The following PDZD4 variants were observed in gnomAD, a reference collection of about 807,000 sequenced individuals.
The protein encoded by PDZD4 is PDZ domain-containing protein 4.
In PDZD4, 9 loss-of-function variants were observed where a neutral mutation model predicts 38.5. The ratio of observed to expected loss-of-function variants is 0.23; its 90% CI spans 0.14 to 0.41. The LOEUF is 0.41. PDZD4 is among the 10% of genes least tolerant of loss of function. The pLI, the probability that PDZD4 is intolerant of heterozygous loss-of-function variation, is 1.00. For missense variants in PDZD4, 612 were observed against 722.0 expected (o/e 0.85, Z 1.75); for synonymous variants, 349 against 315.7 (o/e 1.11, Z -1.12).
chrX:153,813,542 T>C (rs1160154739), intron 1 of PDZD4, among the ~76,000 whole-genome samples: 16 of 112,689 alleles, frequency 1.4e-4, no homozygotes, highest in African/African-American at 5.2e-4. Context: ...GCATGTGCAG[T>C]TAATGGAGGC....
chrX:153,808,512 C>T lies in PDZD4; in HGVS notation c.144G>A (p.Gln48=). Residue 48 remains glutamine (Q), a synonymous_variant, in exon 2 of 8, where the codon CAG becomes CAA. Coordinates refer to ENST00000393758, the MANE Select transcript of PDZD4 (RefSeq NM_001303512.2). The part of the protein sequence containing the change: ...LRSSKEPLVI[Q]VLRRSPRLRG... The stretch of plus-strand genomic sequence containing the variant: ...GGAGGCGGGGGCTGCGTCTCAGCAC[C>T]TGGATCACCAGGGGCTCCTTGGAGG... 1 of 1,209,915 alleles carries T rather than the reference C, an allele frequency of 8.3e-7. No individual in the cohort carries two copies. Among genetic ancestry groups the T allele is most frequent in the Non-Finnish European group, 1.1e-6 (1 of 894,685 alleles).
intron 6 of PDZD4, 56 bp downstream of exon 6, chrX:153,805,449 T>C (rs1355632206): frequency 1.1e-5 from 11 of 1,001,324 alleles, no homozygotes; most frequent in Non-Finnish European, 1.4e-5. Flanking sequence ...GCCAGCAGCT[T>C]CCAAGACAGA....
chrX:153,823,247 T>C lies in PDZD4; in HGVS notation c.60+6992A>G, dbSNP rs1196896203. On this transcript the variant is annotated intron_variant, in intron 1 of 7. Transcript: ENST00000393758. ...TATATATATATATTTTTTTTTGAGA[T>C]GGAGTTTCGAGCCCAAGCTGGAGTG... Among the ~76,000 whole-genome samples, 3 of 104,994 alleles carry C rather than the reference T, an allele frequency of 2.9e-5. No individual in the cohort carries two copies. The Admixed American group carries it at 3.1e-4, about 11-fold the overall frequency. The allele number at this position is 104,994 out of a possible 115,157, so 91.2% of individuals were successfully genotyped here.
intron 1 of PDZD4, among the ~76,000 whole-genome samples, chrX:153,823,153 G>A (rs2064444052): frequency 9.1e-6 from 1 of 109,659 alleles, no homozygotes; most frequent in African/African-American, 3.3e-5. Flanking sequence ...CACCTGCTGA[G>A]TTCAAGCAGT....
At chrX:153,810,396 G>A (rs1337577677) in intron 1 of PDZD4, among the ~76,000 whole-genome samples, 1 of 112,455 alleles carries the variant, frequency 8.9e-6, no homozygotes, top group Non-Finnish European at 1.9e-5. Context: ...AGGGAACAGG[G>A]CCAAGAAAAG....
chrX:153,812,896 C>T (rs1448165382), intron 1 of PDZD4, among the ~76,000 whole-genome samples: 1 of 108,418 alleles, frequency 9.2e-6, no homozygotes, highest in Non-Finnish European at 1.9e-5. Flanking sequence ...ATTGCCTACT[C>T]GACCACTCCA....
intron 4 of PDZD4, 71 bp from the exon 5 acceptor site, chrX:153,806,204 T>C: frequency 1.5e-5 from 16 of 1,098,757 alleles, no homozygotes; most frequent in Non-Finnish European, 1.9e-5. Context: ...CAGGCTCACC[T>C]CAGGGGCCCC....
At chrX:153,817,068 G>A (rs1463493317) in intron 1 of PDZD4, among the ~76,000 whole-genome samples, 1 of 111,328 alleles carries the variant, frequency 9.0e-6, no homozygotes, top group African/African-American at 3.3e-5. Context: ...CGCACACCAC[G>A]AGGAGGCTGG....
chrX:153,830,102 T>G, intron 1 of PDZD4, 137 bp downstream of exon 1: 1 of 594,701 alleles, frequency 1.7e-6, no homozygotes. Flanking sequence ...AGCCCCAGGA[T>G]GGGAGGGTGC....
In PDZD4 at chrX:153,830,415, C is replaced by G; in HGVS notation, c.-117G>C. The G allele has an allele frequency of 2.1e-5, 10 of 478,263 alleles. No individual in the cohort carries two copies. The highest frequency in any genetic ancestry group is 8.1e-5 in the South Asian group (2 of 24,702). The allele number at this position is 478,263 out of a possible 1,213,427, so 39.4% of individuals were successfully genotyped here. On this transcript the variant is annotated 5_prime_UTR_variant, in exon 1 of 8. Coordinates refer to ENST00000393758, the MANE Select transcript of PDZD4 (RefSeq NM_001303512.2). ...AGGGGCCATACCCTGGCGCGGGGGG[C>G]GGGCCGCCTAGCGGGGGAGGGGGGC...
Position 153,830,411 on chromosome X carries a change from G to A in PDZD4, c.-113C>T, listed in dbSNP as rs1222351560. On this transcript the variant is annotated 5_prime_UTR_variant, in exon 1 of 8. Transcript: ENST00000393758. ...GGCCAGGGGCCATACCCTGGCGCGG[G>A]GGGCGGGCCGCCTAGCGGGGGAGGG... 2.9e-5 allele frequency: 18 copies of A among 621,424 alleles called. No individual in the cohort carries two copies. The highest frequency in any genetic ancestry group is 4.2e-5 in the Non-Finnish European group (17 of 408,465). The allele number at this position is 621,424 out of a possible 1,213,427, so 51.2% of individuals were successfully genotyped here.
rs1225872534 is a variant in PDZD4, at chrX:153,812,608, G to GCT, written c.61-4015_61-4014dup. ...AGCCACGGGCTCCTGAAGCCTTCTCGCTCTCTCTCTCTCTCCTCCTCATCG... is the reference window on the plus strand; with the variant it reads ...AGCCACGGGCTCCTGAAGCCTTCTCGCTCTCTCTCTCTCTCTCCTCCTCATCG... On this transcript the variant is annotated intron_variant, in intron 1 of 7. Transcript: ENST00000393758. Among the ~76,000 whole-genome samples, 4 of 109,344 alleles carry GCT rather than the reference G, an allele frequency of 3.7e-5. No individual in the cohort carries two copies. In the South Asian group the frequency reaches 1.2e-3, roughly 32 times the overall value. The allele number at this position is 109,344 out of a possible 115,157, so 95.0% of individuals were successfully genotyped here.
rs926213267 is a variant in PDZD4, at chrX:153,815,742, G to C, written c.61-7147C>G. On this transcript the variant is annotated intron_variant, in intron 1 of 7. Transcript: ENST00000393758. ...GGAGGTGGCCCCAGGCCTTCCCCAGGGAACCCTGGGAAGCTGGTTCTTTCT... is the reference window on the plus strand; with the variant it reads ...GGAGGTGGCCCCAGGCCTTCCCCAGCGAACCCTGGGAAGCTGGTTCTTTCT... Among the ~76,000 whole-genome samples, 11 of 106,024 alleles carry C rather than the reference G, an allele frequency of 1.0e-4. No homozygotes were observed. The Admixed American group carries it at 1.1e-3, about 11-fold the overall frequency. The allele number at this position is 106,024 out of a possible 115,157, so 92.1% of individuals were successfully genotyped here.
chrX:153,826,360 AC>A (rs1258837984), intron 1 of PDZD4, among the ~76,000 whole-genome samples: 1 of 111,488 alleles, frequency 9.0e-6, no homozygotes, highest in Admixed American at 9.6e-5. Flanking sequence ...AACAAATTAT[AC>A]TTAATAAACA....
intron 1 of PDZD4, among the ~76,000 whole-genome samples, chrX:153,823,930 G>A (rs1441942498): frequency 1.1e-4 from 12 of 112,424 alleles, no homozygotes; most frequent in Non-Finnish European, 2.1e-4. Context: ...GAAGTAGAAG[G>A]AAGGAAAGGA....
intron 1 of PDZD4, among the ~76,000 whole-genome samples, chrX:153,809,443 C>T (rs781839327): frequency 4.5e-5 from 5 of 112,133 alleles, no homozygotes; most frequent in Non-Finnish European, 9.4e-5. Flanking sequence ...AAAAATTAGC[C>T]GGGCGTGGTG....
At chrX:153,826,710 C>T (rs782077441) in intron 1 of PDZD4, among the ~76,000 whole-genome samples, 1 of 111,751 alleles carries the variant, frequency 8.9e-6, no homozygotes, top group African/African-American at 3.2e-5. Context: ...ACACGCTCAG[C>T]CAATCAATTG....
At chrX:153,828,359 A>T (rs2064503402) in intron 1 of PDZD4, among the ~76,000 whole-genome samples, 2 of 112,656 alleles carry the variant, frequency 1.8e-5, no homozygotes, top group South Asian at 7.2e-4. Flanking sequence ...TGGGCCAAGG[A>T]GGAATGTAGA....
At chrX:153,810,486 G>A (rs1269464144) in intron 1 of PDZD4, among the ~76,000 whole-genome samples, 4 of 112,838 alleles carry the variant, frequency 3.5e-5, no homozygotes, top group Non-Finnish European at 7.5e-5. Flanking sequence ...CCCAGAGTCC[G>A]CCTAGGGATG....
Sources: gnomAD v4.1 joint callset for allele counts (sites outside exome capture counted in the v4.1 genomes callset) on GRCh38, gnomAD v4.1.1 for gene constraint, MANE v1.5 for transcripts, NCBI Gene and HGNC (gene_info 2026-07-23, HGNC 2026-07-21) for gene names.